FAM178B: variants seen among roughly 807,000 people sequenced by gnomAD.
FAM178B encodes the protein family with sequence similarity 178 member B, also known as protein FAM178B.
In FAM178B, 82 loss-of-function variants were observed where a neutral mutation model predicts 91.7. The observed-to-expected ratio is 0.89, with a 90% CI of 0.75 to 1.07. The LOEUF (loss-of-function observed/expected upper bound fraction) is 1.07, where lower values mean the gene tolerates loss of function less well. Among genes scored for constraint, FAM178B ranks in the 50% least tolerant of loss-of-function variants. FAM178B has a pLI of 0.00. For synonymous variants in FAM178B, 368 were observed against 359.4 expected (o/e 1.02, Z -0.27); for missense variants, 769 against 846.7 (o/e 0.91, Z 1.14).
intron 9 of FAM178B, among the ~76,000 whole-genome samples, chr2:96,924,710 G>T (rs1001612862): frequency 1.4e-4 from 22 of 152,304 alleles, no homozygotes; most frequent in African/African-American, 5.1e-4. Flanking sequence ...TATGATGAGG[G>T]TCCCCTCTGC....
intron 12 of FAM178B, among the ~76,000 whole-genome samples, chr2:96,918,303 G>A (rs2081276489): frequency 6.6e-6 from 1 of 152,230 alleles, no homozygotes; most frequent in Non-Finnish European, 1.5e-5. Context: ...AAGATCAACA[G>A]AGTTGATAAG....
At chr2:96,969,768 C>T (rs999632786) in intron 4 of FAM178B, among the ~76,000 whole-genome samples, 3 of 152,174 alleles carry the variant, frequency 2.0e-5, no homozygotes, top group Non-Finnish European at 4.4e-5. Context: ...GTCGGAGGAG[C>T]CCAGAGGGGC....
chr2:96,885,324 C>T (rs576997745), intron 14 of FAM178B, among the ~76,000 whole-genome samples: 19 of 152,384 alleles, frequency 1.2e-4, no homozygotes, highest in African/African-American at 2.4e-4. Flanking sequence ...ACCCTCCACG[C>T]CCTCAGAACA....
intron 1 of FAM178B, among the ~76,000 whole-genome samples, chr2:96,976,112 T>TGA (rs1178082878): frequency 5.6e-4 from 84 of 151,298 alleles, no homozygotes; most frequent in Non-Finnish European, 9.0e-4. Flanking sequence ...TTTTTTTTTT[T>TGA]GAGAGAGAGT....
intron 9 of FAM178B, among the ~76,000 whole-genome samples, chr2:96,926,433 G>T (rs2081439545): frequency 6.6e-6 from 1 of 152,252 alleles, no homozygotes; most frequent in African/African-American, 2.4e-5. Flanking sequence ...TTGGTAGCAG[G>T]AACAGCCTTG....
intron 8 of FAM178B, among the ~76,000 whole-genome samples, chr2:96,942,497 A>G (rs1289978887): frequency 6.6e-6 from 1 of 152,150 alleles, no homozygotes; most frequent in Non-Finnish European, 1.5e-5. Flanking sequence ...GGTTCACGCC[A>G]TTCTCCTGCC....
intron 12 of FAM178B, among the ~76,000 whole-genome samples, chr2:96,920,542 G>A (rs920991385): frequency 6.6e-6 from 1 of 152,100 alleles, no homozygotes; most frequent in African/African-American, 2.4e-5. Flanking sequence ...GGAGCTTGCA[G>A]CGAGCCGAGA....
chr2:96,949,205 C>T (rs2081883747), intron 7 of FAM178B, among the ~76,000 whole-genome samples: 1 of 152,150 alleles, frequency 6.6e-6, no homozygotes, highest in South Asian at 2.1e-4. Context: ...GGATCGAGTC[C>T]CTGAGAGAGA....
chr2:96,949,619 C>T lies in FAM178B; in HGVS notation c.994-1717G>A, dbSNP rs141754167. Among the ~76,000 whole-genome samples the T allele has an allele frequency of 3.6e-4, 55 of 152,306 alleles. No individual in the cohort carries two copies. The Middle Eastern group carries it at 0.014, about 38-fold the overall frequency. On this transcript the variant is annotated intron_variant, in intron 7 of 16. Coordinates refer to ENST00000490605, the MANE Select transcript of FAM178B (RefSeq NM_001122646.3). ...CCCATGGGTTTCTGCCTCCCACAACCACAGTCCCCAGTAACTGCTCGAGGT... is the reference window on the plus strand; with the variant it reads ...CCCATGGGTTTCTGCCTCCCACAACTACAGTCCCCAGTAACTGCTCGAGGT...
At chr2:96,889,852 A>C (rs1217217100) in intron 14 of FAM178B, among the ~76,000 whole-genome samples, 4 of 151,790 alleles carry the variant, frequency 2.6e-5, no homozygotes, top group Non-Finnish European at 1.5e-5. Flanking sequence ...ATGGAATTGA[A>C]TTGGGGCCCG....
chr2:96,972,988 G>A (rs1184130748), intron 1 of FAM178B, among the ~76,000 whole-genome samples: 1 of 151,866 alleles, frequency 6.6e-6, no homozygotes, highest in Middle Eastern at 3.2e-3. Context: ...CGGATCACCT[G>A]AGGTCAGGAG....
chr2:96,918,011 A>T (rs775730506), intron 12 of FAM178B, among the ~76,000 whole-genome samples: 1 of 152,202 alleles, frequency 6.6e-6, no homozygotes. Context: ...CAGTCCTGAA[A>T]GAGAAGAAAG....
chr2:96,970,926 T>C, intron 3 of FAM178B, 149 bp from the exon 4 acceptor site: 1 of 671,576 alleles, frequency 1.5e-6, no homozygotes, highest in Non-Finnish European at 2.5e-6. Context: ...TCAAAAAGTA[T>C]AAAGGCGCAG....
Position 96,972,126 on chromosome 2 carries a change from C to T in FAM178B, c.339G>A (p.Pro113=), listed in dbSNP as rs769023872. 4.5e-5 allele frequency: 68 copies of T among 1,527,784 alleles called. No homozygotes were observed. The highest frequency in any genetic ancestry group is 1.0e-4 in the Admixed American group (5 of 47,902). The allele number at this position is 1,527,784 out of a possible 1,614,324, so 94.6% of individuals were successfully genotyped here. ...CCCTCGGGTTGAGGAATTCCACGGGCGGGGGGCTCCAGTCAGTGGGAAACG... is the reference window on the plus strand; with the variant it reads ...CCCTCGGGTTGAGGAATTCCACGGGTGGGGGGCTCCAGTCAGTGGGAAACG... ...GETFPTDWSP[P]PVEFLNPRVL... is the part of the protein sequence containing the mutation. The change falls in exon 3 of 17, where the codon CCG becomes CCA. Residue 113 remains proline, a synonymous_variant. Coordinates refer to ENST00000490605, the MANE Select transcript of FAM178B (RefSeq NM_001122646.3).
chr2:96,938,632 C>G (rs556207695), intron 8 of FAM178B, among the ~76,000 whole-genome samples: 1 of 152,366 alleles, frequency 6.6e-6, no homozygotes, highest in South Asian at 2.1e-4. Flanking sequence ...ACAAAAACCA[C>G]CTGGGTCCTA....
intron 13 of FAM178B, among the ~76,000 whole-genome samples, chr2:96,895,591 C>T (rs1414196348): frequency 6.6e-6 from 1 of 152,252 alleles, no homozygotes; most frequent in African/African-American, 2.4e-5. Flanking sequence ...CTGAAGCTAA[C>T]TCTTGGCTGG....
intron 14 of FAM178B, among the ~76,000 whole-genome samples, chr2:96,888,118 G>A (rs1410536575): frequency 6.6e-6 from 1 of 152,282 alleles, no homozygotes; most frequent in Non-Finnish European, 1.5e-5. Flanking sequence ...CCCCAGATCT[G>A]TAGAGGTCCC....
intron 12 of FAM178B, among the ~76,000 whole-genome samples, chr2:96,913,325 C>G (rs1360348884): frequency 1.3e-5 from 2 of 152,128 alleles, no homozygotes; most frequent in Non-Finnish European, 2.9e-5. Context: ...CTGAAGGGGT[C>G]AAGAGCCAAG....
chr2:96,885,438 G>C, intron 14 of FAM178B, among the ~76,000 whole-genome samples: 1 of 152,362 alleles, frequency 6.6e-6, no homozygotes, highest in Middle Eastern at 3.4e-3. Flanking sequence ...GGGGCCTGGG[G>C]CCTGGGCCCT....
Sources: allele counts gnomAD v4.1 joint callset (sites outside exome capture counted in the v4.1 genomes callset), GRCh38; gene constraint gnomAD v4.1.1; transcripts MANE v1.5; gene names NCBI Gene and HGNC (gene_info 2026-07-23, HGNC 2026-07-21).